Variants in CCDC149 observed in about 807,000 individuals in gnomAD.
CCDC149 encodes the protein coiled-coil domain-containing protein 149.
CCDC149 carries 45 observed loss-of-function variants against 59.9 expected under a neutral mutation model. That is an observed-to-expected ratio of 0.75 (90% CI 0.59 to 0.96). The LOEUF (loss-of-function observed/expected upper bound fraction) is 0.96. Ranked by LOEUF, CCDC149 falls within the 40% of genes least tolerant of loss-of-function variation. The pLI is 0.00. For synonymous variants in CCDC149, 245 were observed against 260.6 expected (o/e 0.94, Z 0.58); for missense variants, 584 against 664.7 (o/e 0.88, Z 1.33).
chr4:24,823,683 T>C (rs1313972721), intron 9 of CCDC149, among the ~76,000 whole-genome samples: 1 of 152,206 alleles, frequency 6.6e-6, no homozygotes, highest in South Asian at 2.1e-4. Flanking sequence ...TCTACACATA[T>C]ATATGGCTGT....
intron 3 of CCDC149, among the ~76,000 whole-genome samples, chr4:24,871,814 G>T (rs1221560886): frequency 1.3e-5 from 2 of 152,182 alleles, no homozygotes; most frequent in Non-Finnish European, 2.9e-5. Context: ...TAAGAATGCA[G>T]CTTAACAGAC....
downstream of CCDC149, among the ~76,000 whole-genome samples, chr4:24,804,326 A>T (rs1714045431): frequency 6.6e-6 from 1 of 152,012 alleles, no homozygotes; most frequent in Non-Finnish European, 1.5e-5. Context: ...CCCCGTCTCT[A>T]CTAAAAATAC....
At chr4:24,973,806 A>G (rs955797268) in intron 1 of CCDC149, among the ~76,000 whole-genome samples, 3 of 152,238 alleles carry the variant, frequency 2.0e-5, no homozygotes, top group Non-Finnish European at 4.4e-5. Context: ...ACAGTCCACC[A>G]GGCAGGCTGA....
chr4:24,903,126 C>A (rs1721275890), intron 1 of CCDC149, among the ~76,000 whole-genome samples: 1 of 151,648 alleles, frequency 6.6e-6, no homozygotes, highest in Non-Finnish European at 1.5e-5. Context: ...TAATTCTCCC[C>A]CATATATCTC....
At chr4:24,805,987 C>T (rs1714136975), downstream of CCDC149, 1 of 148,026 alleles carries the variant, frequency 6.8e-6, no homozygotes, top group African/African-American at 2.7e-5. Context: ...TTCCCTACCG[C>T]TTAAGTTTCT....
chr4:24,932,580 C>T (rs1162857102), intron 1 of CCDC149, among the ~76,000 whole-genome samples: 1 of 152,142 alleles, frequency 6.6e-6, no homozygotes, highest in Non-Finnish European at 1.5e-5. Context: ...CTTTTGAGTC[C>T]TCAAACTCTG....
chr4:24,935,426 G>A (rs186407316), intron 1 of CCDC149, among the ~76,000 whole-genome samples: 66 of 152,236 alleles, frequency 4.3e-4, no homozygotes, highest in Non-Finnish European at 8.2e-4. Context: ...AGTATACTGC[G>A]ATCTGAATGC....
At chr4:24,852,244 T>C (rs975687335) in intron 4 of CCDC149, among the ~76,000 whole-genome samples, 2 of 150,856 alleles carry the variant, frequency 1.3e-5, no homozygotes, top group African/African-American at 2.4e-5. Flanking sequence ...TTTGGTAACA[T>C]CTAAAAACAT....
chr4:24,930,091 A>G (rs1036488283), intron 1 of CCDC149, among the ~76,000 whole-genome samples: 1 of 152,220 alleles, frequency 6.6e-6, no homozygotes, highest in Non-Finnish European at 1.5e-5. Flanking sequence ...GACAAATGAC[A>G]TTTACTTGCC....
intron 1 of CCDC149, among the ~76,000 whole-genome samples, chr4:24,892,207 C>A (rs138606227): frequency 3.3e-5 from 5 of 152,196 alleles, no homozygotes; most frequent in African/African-American, 1.2e-4. Context: ...TGGATTCCAA[C>A]TCCTGCCCTA....
chr4:24,914,602 G>T (rs933283684), upstream of CCDC149, among the ~76,000 whole-genome samples: 2 of 122,696 alleles, frequency 1.6e-5, no homozygotes, highest in African/African-American at 6.5e-5. Flanking sequence ...CCGCACAGCT[G>T]ATGACAAGCA....
intron 1 of CCDC149, among the ~76,000 whole-genome samples, chr4:24,973,739 C>T (rs1724052093): frequency 1.3e-5 from 2 of 152,194 alleles, no homozygotes; most frequent in African/African-American, 4.8e-5. Flanking sequence ...GTATGATTAA[C>T]CCGGTCTGAA....
intron 1 of CCDC149, among the ~76,000 whole-genome samples, chr4:24,977,429 A>G (rs1001178831): frequency 6.6e-6 from 1 of 152,112 alleles, no homozygotes; most frequent in Admixed American, 6.5e-5. Flanking sequence ...CATTTTACAA[A>G]CTAACATTTC....
intron 1 of CCDC149, among the ~76,000 whole-genome samples, chr4:24,979,236 A>G (rs1724356277): frequency 6.6e-6 from 1 of 152,228 alleles, no homozygotes; most frequent in Admixed American, 6.5e-5. Context: ...TTGAGGGTCA[A>G]TCTTGGGGTG....
rs749696705 is a variant in CCDC149, at chr4:24,831,656, T to C, written c.821-6A>G. 6.2e-6 allele frequency: 10 copies of C among 1,611,928 alleles called. No homozygotes were observed. Among genetic ancestry groups the C allele is most frequent in the South Asian group, 2.2e-5 (2 of 90,566 alleles). ...CTCAGATAGCAGATCCTGAACTAGATAGGATACAAAATGTATAACTCAGTC... is the reference window on the plus strand; with the variant it reads ...CTCAGATAGCAGATCCTGAACTAGACAGGATACAAAATGTATAACTCAGTC... On this transcript the variant is annotated splice_polypyrimidine_tract_variant and splice_region_variant and intron_variant, in intron 8 of 12. Transcript: ENST00000635206.
intron 3 of CCDC149, among the ~76,000 whole-genome samples, chr4:24,870,917 T>C (rs1025111129): frequency 6.6e-6 from 1 of 151,234 alleles, no homozygotes; most frequent in Non-Finnish European, 1.5e-5. Flanking sequence ...TGGTGGCGGG[T>C]GCCTGTAGTC....
At chr4:24,877,949 G>T (rs1297974093) in intron 1 of CCDC149, among the ~76,000 whole-genome samples, 1 of 152,128 alleles carries the variant, frequency 6.6e-6, no homozygotes, top group Non-Finnish European at 1.5e-5. Context: ...TTTGGAATTT[G>T]CCCTGTAAAA....
intron 4 of CCDC149, among the ~76,000 whole-genome samples, chr4:24,840,643 C>T (rs1006714615): frequency 6.6e-6 from 1 of 152,126 alleles, no homozygotes; most frequent in African/African-American, 2.4e-5. Flanking sequence ...GGTGACTTTG[C>T]TGTTTCATGT....
chr4:24,920,620 T>A (rs13116026), intron 1 of CCDC149, among the ~76,000 whole-genome samples: 37,562 of 152,142 alleles, frequency 0.25, 5,001 homozygotes, highest in African/African-American at 0.35. Context: ...CACCTCTAGA[T>A]GGTCATAGAA....
Sources: gnomAD v4.1 joint callset for allele counts (sites outside exome capture counted in the v4.1 genomes callset) on GRCh38, gnomAD v4.1.1 for gene constraint, MANE v1.5 for transcripts, NCBI Gene and HGNC (gene_info 2026-07-23, HGNC 2026-07-21) for gene names.